Variants in EDNRB observed in about 807,000 individuals in gnomAD.
EDNRB encodes the protein Hirschsprung disease 2.
In EDNRB, 18 loss-of-function variants were observed where a neutral mutation model predicts 46.4. That is an observed-to-expected ratio of 0.39 (90% CI 0.27 to 0.57). The LOEUF (loss-of-function observed/expected upper bound fraction) is 0.57. EDNRB is among the 20% of genes least tolerant of loss of function. The pLI, the probability that EDNRB is intolerant of heterozygous loss-of-function variation, is 0.61. For synonymous variants in EDNRB, 213 were observed against 204.9 expected, an observed-to-expected ratio of 1.04 and a Z score of -0.34; for missense variants, 434 against 537.5, an observed-to-expected ratio of 0.81 and a Z score of 1.90.
chr13:77,898,457 TC>T (rs1878755515), intron 6 of EDNRB, 123 bp from the exon 7 acceptor site: 1 of 1,346,550 alleles, frequency 7.4e-7, no homozygotes, highest in African/African-American at 1.5e-5. Context: ...CTTTCAGTGC[TC>T]TTTTATTTTC....
At chr13:77,953,915 G>A (rs1881161369) in intron 1 of EDNRB, among the ~76,000 whole-genome samples, 1 of 152,064 alleles carries the variant, frequency 6.6e-6, no homozygotes, top group African/African-American at 2.4e-5. Flanking sequence ...AAAATATATG[G>A]CCAATCTTTC....
chr13:77,942,224 TG>T (rs1880771218), intron 1 of EDNRB, among the ~76,000 whole-genome samples: 1 of 152,206 alleles, frequency 6.6e-6, no homozygotes, highest in Non-Finnish European at 1.5e-5. Flanking sequence ...GCTTCCTTAC[TG>T]TTTGGTATTA....
At chr13:77,929,736 A>G (rs1880336362) in intron 1 of EDNRB, among the ~76,000 whole-genome samples, 1 of 152,222 alleles carries the variant, frequency 6.6e-6, no homozygotes, top group Non-Finnish European at 1.5e-5. Flanking sequence ...AGAGGAGAGC[A>G]TGGACTTCAG....
intron 1 of EDNRB, among the ~76,000 whole-genome samples, chr13:77,964,917 G>T (rs1881538997): frequency 6.6e-6 from 1 of 152,148 alleles, no homozygotes; most frequent in African/African-American, 2.4e-5. Flanking sequence ...ACTAACATTT[G>T]TGAGGAAAAA....
rs1322342242 is a variant in EDNRB at position 77,974,357 on chromosome 13, A to G, written c.-52+990T>C. On this transcript the variant is annotated intron_variant, in intron 1 of 7. Coordinates refer to the EDNRB transcript ENST00000646948. The stretch of plus-strand genomic sequence containing the variant: ...GTTAGCAAAGTAGTTGCTGCTACAG[A>G]TTGAATGCATTTGGGCCATCCACGG... Among the ~76,000 whole-genome samples, 7 of 152,118 alleles carry G rather than the reference A, an allele frequency of 4.6e-5. No homozygotes were observed. The East Asian group carries it at 1.2e-3, about 25-fold the overall frequency.
At position 77,918,171 on chromosome 13, in the gene EDNRB, C is replaced by T. The variant is rs760677132; in HGVS notation, c.403G>A (p.Gly135Ser). ...IIYKNKCMRN[G>S]PNILIASLAL... ...AAGCTGGCGATCAAGATATTGGGAC[C>T]GTTTCGCATGCACTTGTTCTTGTAG... Residue 135 changes from glycine to serine, a missense_variant, in exon 1 of 7, where the codon GGT (glycine) becomes AGT (serine). Gly to Ser is a moderately conservative substitution (Grantham distance 56, BLOSUM62 0). Transcript: ENST00000646607. This position sits in a 1 kb window ranked among gnomAD's most constrained non-coding sequence, Gnocchi z 4.5. The T allele has an allele frequency of 3.1e-6, 5 of 1,614,018 alleles. No homozygotes were observed. The highest frequency in any genetic ancestry group is 4.2e-6 in the Non-Finnish European group (5 of 1,180,036).
chr13:77,956,063 T>C (rs991286901), intron 1 of EDNRB, among the ~76,000 whole-genome samples: 2 of 152,156 alleles, frequency 1.3e-5, no homozygotes, highest in Non-Finnish European at 2.9e-5. Flanking sequence ...CTGTAAAGAA[T>C]ACCATTGGGA....
intron 5 of EDNRB, 121 bp from the exon 6 acceptor site, chr13:77,900,088 A>G: frequency 1.3e-6 from 1 of 795,172 alleles, no homozygotes; most frequent in South Asian, 1.5e-5. Context: ...TAAATTTATC[A>G]CTCGTCTTTG....
intron 1 of EDNRB, among the ~76,000 whole-genome samples, chr13:77,914,068 A>T (rs1879700819): frequency 6.6e-6 from 1 of 152,260 alleles, no homozygotes; most frequent in Non-Finnish European, 1.5e-5. Flanking sequence ...GAGATATTAT[A>T]TAAAATAGTG....
At position 77,915,043 on chromosome 13, in the gene EDNRB, G is replaced by A. The variant is rs573466986; in HGVS notation, c.483+3048C>T. 3.3e-5 allele frequency among the ~76,000 whole-genome samples: 5 copies of A among 152,106 alleles called. No individual in the cohort carries two copies. The South Asian group carries it at 1.0e-3, about 32-fold the overall frequency. On this transcript the variant is annotated intron_variant, in intron 1 of 6. Coordinates refer to ENST00000646607, the MANE Select transcript of EDNRB (RefSeq NM_001122659.3). ...CCCACCAAAAAAATTAGAAATCACT[G>A]GTTTAGATTTAAGCCTCTCATATTA...
intron 1 of EDNRB, among the ~76,000 whole-genome samples, chr13:77,914,948 A>G (rs3027136): frequency 6.6e-6 from 1 of 152,218 alleles, no homozygotes. Flanking sequence ...GTGTGCCAAC[A>G]AGAGAGTAGG....
intron 1 of EDNRB, among the ~76,000 whole-genome samples, chr13:77,910,695 T>C (rs1386170555): frequency 6.6e-6 from 1 of 151,998 alleles, no homozygotes; most frequent in Non-Finnish European, 1.5e-5. Flanking sequence ...TAATGTTAGC[T>C]TATCCCCCAG....
intron 1 of EDNRB, among the ~76,000 whole-genome samples, chr13:77,937,132 C>T (rs1224248979): frequency 6.6e-6 from 1 of 152,202 alleles, no homozygotes; most frequent in Non-Finnish European, 1.5e-5. Context: ...CTAAGGGTTG[C>T]TGCTAAGTGG....
chr13:77,909,811 C>G (rs1178250087), intron 1 of EDNRB, among the ~76,000 whole-genome samples: 1 of 151,934 alleles, frequency 6.6e-6, no homozygotes, highest in East Asian at 1.9e-4. Flanking sequence ...TTCTCATACT[C>G]TACATATATT....
At chr13:77,932,499 T>C (rs923299695) in intron 1 of EDNRB, among the ~76,000 whole-genome samples, 1 of 152,232 alleles carries the variant, frequency 6.6e-6, no homozygotes, top group African/African-American at 2.4e-5. Flanking sequence ...GTGAAATAGG[T>C]ATTATTTCTA....
At chr13:77,966,873 C>A (rs768894412) in intron 1 of EDNRB, among the ~76,000 whole-genome samples, 2 of 152,126 alleles carry the variant, frequency 1.3e-5, no homozygotes, top group Non-Finnish European at 2.9e-5. Flanking sequence ...TTATGTAACA[C>A]TAAATAGTTT....
chr13:77,962,804 T>C (rs923751773), intron 1 of EDNRB, among the ~76,000 whole-genome samples: 6 of 152,224 alleles, frequency 3.9e-5, no homozygotes, highest in Non-Finnish European at 7.3e-5. Flanking sequence ...ATAAAGGGTA[T>C]TCAATTAAGA....
chr13:77,946,627 C>T (rs183785019), intron 1 of EDNRB, among the ~76,000 whole-genome samples: 1 of 152,220 alleles, frequency 6.6e-6, no homozygotes, highest in Admixed American at 6.5e-5. Flanking sequence ...ATGTGACAGG[C>T]TAGATGATAA....
upstream of EDNRB, chr13:77,919,196 C>G (rs150120639): frequency 9.5e-6 from 6 of 633,562 alleles, no homozygotes; most frequent in Admixed American, 1.6e-4. Context: ...CTTCTCAAGT[C>G]AGCAGGAACT....
Sources: gnomAD v4.1 joint callset for allele counts (sites outside exome capture counted in the v4.1 genomes callset) on GRCh38, gnomAD v4.1.1 for gene constraint, Gnocchi (gnomAD v3.1) non-coding constraint, MANE v1.5 for transcripts, NCBI Gene and HGNC (gene_info 2026-07-23, HGNC 2026-07-21) for gene names.